CPEB3: variants seen among roughly 807,000 people sequenced by gnomAD.
CPEB3 encodes the protein cytoplasmic polyadenylation element binding protein 3.
A neutral mutation model predicts 67.2 loss-of-function variants in CPEB3; 20 were observed. The observed-to-expected ratio is 0.30, with a 90% confidence interval of 0.21 to 0.43. CPEB3 has a LOEUF of 0.43. Among genes scored for constraint, CPEB3 ranks in the 20% least tolerant of loss-of-function variants. The pLI, the probability that CPEB3 is intolerant of heterozygous loss-of-function variation, is 1.00. For missense variants in CPEB3, 746 were observed against 968.6 expected (o/e 0.77, Z 3.05); for synonymous variants, 376 against 393.1 (o/e 0.96, Z 0.51).
chr10:92,063,674 G>A (rs1426814026), intron 9 of CPEB3, among the ~76,000 whole-genome samples: 1 of 151,826 alleles, frequency 6.6e-6, no homozygotes, highest in East Asian at 1.9e-4. Context: ...TGAGGCAGGA[G>A]AATAGCTTGA....
chr10:92,283,242 C>T (rs187364840), intron 1 of CPEB3, among the ~76,000 whole-genome samples: 6 of 152,100 alleles, frequency 3.9e-5, no homozygotes, highest in Admixed American at 3.9e-4. Flanking sequence ...CAGTGAGACT[C>T]TCTCAAAAAT....
intron 1 of CPEB3, among the ~76,000 whole-genome samples, chr10:92,266,114 G>A (rs1419501837): frequency 6.6e-6 from 1 of 152,216 alleles, no homozygotes; most frequent in Non-Finnish European, 1.5e-5. Flanking sequence ...GGCCTCAACA[G>A]ATGTGGCAGA....
At position 92,167,785 on chromosome 10, in the gene CPEB3, G is replaced by GT. The variant is rs1847814399; in HGVS notation, c.1222+13177dup. Among the ~76,000 whole-genome samples the GT allele has an allele frequency of 2.6e-5, 4 of 152,096 alleles. 1 individual carries two copies. The highest frequency in any genetic ancestry group is 2.6e-4 in the Admixed American group (4 of 15,270). On this transcript the variant is annotated intron_variant, in intron 4 of 9. Coordinates refer to ENST00000265997, the MANE Select transcript of CPEB3 (RefSeq NM_014912.5). The stretch of plus-strand genomic sequence containing the variant: ...TAGCCAGGTGTGGTGGCGCACACCT[G>GT]TAGTCCCAGCTACTCGGGAGACTGA...
rs1266491913 is a variant in CPEB3, at chr10:92,240,161, C to T, written c.190G>A (p.Ala64Thr). 2 of 1,550,706 alleles carry T rather than the reference C, an allele frequency of 1.3e-6. No homozygotes were observed. The highest frequency in any genetic ancestry group is 2.4e-5 in the East Asian group (1 of 42,238). The change falls in exon 2 of 10, where the codon GCC becomes ACC. Residue 64 changes from alanine to threonine, a missense_variant. Ala to Thr is a moderately conservative substitution (Grantham distance 58, BLOSUM62 0). This residue lies in a region of CPEB3 where 643 missense variants were observed against 717.5 expected (regional missense o/e 0.90). Transcript: ENST00000265997. ...PALSPAAAPPAPNGPDKMQME... is the reference protein window; with the variant it reads ...PALSPAAAPPTPNGPDKMQME... The stretch of plus-strand genomic sequence containing the variant: ...TGCATCTTGTCCGGGCCGTTGGGGG[C>T]CGGGGGGGCAGCGGCTGGGCTGAGG...
chr10:92,130,458 G>A (rs1845794456), intron 6 of CPEB3, among the ~76,000 whole-genome samples: 1 of 151,874 alleles, frequency 6.6e-6, no homozygotes, highest in Non-Finnish European at 1.5e-5. Flanking sequence ...TGTTCTAAGG[G>A]CAACCATTTC....
chr10:92,181,081 T>A, intron 3 of CPEB3, 62 bp from the exon 4 acceptor site: 1 of 867,548 alleles, frequency 1.2e-6, no homozygotes. Context: ...AAACACATCT[T>A]AAAATATAAA....
chr10:92,061,344 G>A (rs556506489), intron 9 of CPEB3, among the ~76,000 whole-genome samples: 5 of 151,258 alleles, frequency 3.3e-5, no homozygotes, highest in South Asian at 2.1e-4. Flanking sequence ...GCTTGAACCC[G>A]GGAGGTGGAG....
intron 1 of CPEB3, among the ~76,000 whole-genome samples, chr10:92,253,816 C>T (rs911830217): frequency 6.6e-6 from 1 of 152,012 alleles, no homozygotes; most frequent in Admixed American, 6.6e-5. Context: ...TATGATCTGG[C>T]CAAATAGGAG....
intron 2 of CPEB3, among the ~76,000 whole-genome samples, chr10:92,193,702 C>A (rs972196950): frequency 1.3e-5 from 2 of 151,768 alleles, no homozygotes; most frequent in African/African-American, 4.8e-5. Flanking sequence ...CGATAAAGAC[C>A]ACAGTTAAGA....
In CPEB3 at chr10:92,057,616, C is replaced by A. The variant is rs142290544; in HGVS notation, c.1870-5177G>T. Among the ~76,000 whole-genome samples the A allele has an allele frequency of 3.3e-4, 51 of 152,374 alleles. No individual in the cohort carries two copies. The East Asian group carries it at 9.5e-3, about 28-fold the overall frequency. On this transcript the variant is annotated intron_variant, in intron 9 of 9. Transcript: ENST00000265997. ...GCCCTGAGCGAACACAGGCAGTAAC[C>A]AGGGCGTGGTTATGGCAGGTCTTAG...
intron 1 of CPEB3, among the ~76,000 whole-genome samples, chr10:92,285,997 A>T (rs1317343004): frequency 4.0e-5 from 6 of 148,926 alleles, no homozygotes; most frequent in Non-Finnish European, 8.9e-5. Context: ...GTGCAGTGGT[A>T]CAATCTCGGC....
intron 4 of CPEB3, among the ~76,000 whole-genome samples, chr10:92,157,117 T>TCC (rs1349413777): frequency 6.6e-6 from 1 of 152,174 alleles, no homozygotes; most frequent in Non-Finnish European, 1.5e-5. Context: ...TTACGACTCC[T>TCC]CCTTCAGCTT....
At chr10:92,290,081 T>C (rs957313553) in intron 1 of CPEB3, among the ~76,000 whole-genome samples, 3 of 151,826 alleles carry the variant, frequency 2.0e-5, no homozygotes, top group Non-Finnish European at 4.4e-5. Context: ...TAATGAAAAG[T>C]TGATTGTAAA....
At chr10:92,213,348 G>A (rs1850187349) in intron 2 of CPEB3, among the ~76,000 whole-genome samples, 2 of 152,172 alleles carry the variant, frequency 1.3e-5, no homozygotes, top group Admixed American at 1.3e-4. Context: ...AATAAGAATT[G>A]TAAAGTGAAA....
chr10:92,177,737 C>T (rs1468695632), intron 4 of CPEB3, among the ~76,000 whole-genome samples: 1 of 152,012 alleles, frequency 6.6e-6, no homozygotes, highest in Non-Finnish European at 1.5e-5. Context: ...ACTAGGAACA[C>T]CAAAAAATGG....
intron 7 of CPEB3, among the ~76,000 whole-genome samples, chr10:92,101,906 T>C (rs545543762): frequency 6.6e-6 from 1 of 152,292 alleles, no homozygotes; most frequent in Admixed American, 6.5e-5. Flanking sequence ...AGACTCTGTC[T>C]CAATAAATAA....
rs190992066 is a variant in CPEB3, at chr10:92,239,263, A to T, written c.1005+83T>A. The T allele has an allele frequency of 6.9e-7, 1 of 1,445,108 alleles. No individual in the cohort carries two copies. The highest frequency in any genetic ancestry group is 2.0e-5 in the Admixed American group (1 of 49,108). The allele number at this position is 1,445,108 out of a possible 1,614,324, so 89.5% of individuals were successfully genotyped here. Reference sequence around the variant, plus strand: ...GACATTGCTGCCCTTTTTAAATATAAGCGGGTGGATGATTAAAAGTCAGAG... The same window carrying T: ...GACATTGCTGCCCTTTTTAAATATATGCGGGTGGATGATTAAAAGTCAGAG... On this transcript the variant is annotated intron_variant, in intron 2 of 9. Coordinates refer to ENST00000265997, the MANE Select transcript of CPEB3 (RefSeq NM_014912.5). The surrounding 1 kb of genome is among the most constrained non-coding windows in gnomAD (Gnocchi z 6.0).
chr10:92,062,101 G>A (rs987220619), intron 9 of CPEB3, among the ~76,000 whole-genome samples: 1 of 151,938 alleles, frequency 6.6e-6, no homozygotes, highest in Non-Finnish European at 1.5e-5. Flanking sequence ...AATTAGCCAG[G>A]TGTGGTGGTG....
intron 1 of CPEB3, among the ~76,000 whole-genome samples, chr10:92,259,431 G>A (rs1283686687): frequency 1.1e-4 from 16 of 151,672 alleles, no homozygotes; most frequent in African/African-American, 2.9e-4. Flanking sequence ...GAGAAATCCC[G>A]TCTCTACTAA....
Sources: gnomAD v4.1 joint callset for allele counts (sites outside exome capture counted in the v4.1 genomes callset) on GRCh38, gnomAD v4.1.1 for gene constraint, gnomAD v4.1.1 regional missense constraint, Gnocchi (gnomAD v3.1) non-coding constraint, MANE v1.5 for transcripts, NCBI Gene and HGNC (gene_info 2026-07-23, HGNC 2026-07-21) for gene names.